The following PCDHGA6 variants were observed in gnomAD, a reference collection of about 807,000 sequenced individuals.
The protein encoded by PCDHGA6 is protocadherin gamma subfamily A, 6.
PCDHGA6 carries 41 observed loss-of-function variants against 60.6 expected under a neutral mutation model. The observed-to-expected ratio is 0.68, with a 90% CI of 0.53 to 0.88. PCDHGA6 has a LOEUF of 0.88. PCDHGA6 is among the 40% of genes least tolerant of loss of function. The pLI is 0.00. For missense variants in PCDHGA6, 1,312 were observed against 1,203.0 expected (o/e 1.09, Z -1.34); for synonymous variants, 594 against 524.4 (o/e 1.13, Z -1.81).
intron 1 of PCDHGA6, chr5:141,399,577 TC>T (rs1393975550): frequency 6.2e-7 from 1 of 1,613,972 alleles, no homozygotes; most frequent in Non-Finnish European, 8.5e-7. Flanking sequence ...CGGCCAAGTC[TC>T]CTACTCTATC....
At chr5:141,423,328 G>C (rs1308803675) in intron 1 of PCDHGA6, 1 of 1,614,194 alleles carries the variant, frequency 6.2e-7, no homozygotes, top group African/African-American at 1.3e-5. Flanking sequence ...GGTGGCCGCA[G>C]TCTCCTGCAT....
intron 1 of PCDHGA6, chr5:141,390,345 A>G: frequency 6.3e-7 from 1 of 1,576,504 alleles, no homozygotes; most frequent in Non-Finnish European, 8.7e-7. Context: ...TTCACAAGAA[A>G]ATATACATAT....
chr5:141,415,883 G>A (rs2095968409), intron 1 of PCDHGA6: 1 of 983,982 alleles, frequency 1.0e-6, no homozygotes, highest in African/African-American at 1.7e-5. Context: ...GTACAATATT[G>A]ACAATTCCTA....
At chr5:141,411,846 T>C (rs962000304) in intron 1 of PCDHGA6, 1 of 151,734 alleles carries the variant, frequency 6.6e-6, no homozygotes, top group African/African-American at 2.4e-5. Context: ...GGTGACAGAG[T>C]GAGACCCTGT....
chr5:141,468,681 A>G (rs1415798588), intron 1 of PCDHGA6: 1 of 151,830 alleles, frequency 6.6e-6, no homozygotes, highest in African/African-American at 2.4e-5. Flanking sequence ...CCTGGCTAAC[A>G]CGGTGAAACC....
In PCDHGA6 at chr5:141,431,187, G is replaced by C. The variant is rs748150837; in HGVS notation, c.2424+54680G>C. On this transcript the variant is annotated intron_variant, in intron 1 of 3. Transcript: ENST00000517434. This position sits in a 1 kb window ranked among gnomAD's most constrained non-coding sequence, Gnocchi z 4.8. ...GAAAGTGAATTAGAAATAAAAATTAGTGAAAATGCAGCCACTGAGATGCGG... is the reference window on the plus strand; with the variant it reads ...GAAAGTGAATTAGAAATAAAAATTACTGAAAATGCAGCCACTGAGATGCGG... 4.3e-6 allele frequency: 7 copies of C among 1,614,102 alleles called. No homozygotes were observed. The Admixed American group carries it at 1.2e-4, about 27-fold the overall frequency.
intron 1 of PCDHGA6, among the ~76,000 whole-genome samples, chr5:141,448,660 G>T (rs2098599264): frequency 6.6e-6 from 1 of 151,712 alleles, no homozygotes; most frequent in African/African-American, 2.4e-5. Context: ...TTCCATATTG[G>T]CCGGGCGCGG....
intron 1 of PCDHGA6, among the ~76,000 whole-genome samples, chr5:141,444,558 T>C (rs2098440789): frequency 6.6e-6 from 1 of 152,190 alleles, no homozygotes; most frequent in African/African-American, 2.4e-5. Context: ...AAGGCACTTA[T>C]TTGACACTTT....
chr5:141,391,176 T>C (rs562307508), intron 1 of PCDHGA6: 1 of 152,322 alleles, frequency 6.6e-6, no homozygotes, highest in African/African-American at 2.4e-5. Context: ...ACTGCCAATC[T>C]GGTGTGCATA....
At chr5:141,480,021 C>T (rs1415230863) in intron 1 of PCDHGA6, among the ~76,000 whole-genome samples, 2 of 152,208 alleles carry the variant, frequency 1.3e-5, no homozygotes, top group East Asian at 3.8e-4. Flanking sequence ...AATCTCCTTT[C>T]TAAGCCTCTT....
chr5:141,394,406 G>A (rs1359061127), intron 1 of PCDHGA6: 1 of 1,614,180 alleles, frequency 6.2e-7, no homozygotes, highest in South Asian at 1.1e-5. Flanking sequence ...TGCAGCTACT[G>A]GTAACAGCCA....
At chr5:141,388,908 G>A (rs1240421900) in intron 1 of PCDHGA6, 5 of 1,613,892 alleles carry the variant, frequency 3.1e-6, no homozygotes, top group Admixed American at 1.7e-5. Flanking sequence ...AAATGACAAC[G>A]CCCCAGAAGT....
At chr5:141,463,417 G>A (rs548514637) in intron 1 of PCDHGA6, among the ~76,000 whole-genome samples, 1 of 146,650 alleles carries the variant, frequency 6.8e-6, no homozygotes, top group South Asian at 2.2e-4. Context: ...ATCCTAGTTT[G>A]CGGATCCTCA....
intron 1 of PCDHGA6, chr5:141,428,048 G>A: frequency 6.2e-7 from 1 of 1,608,900 alleles, no homozygotes; most frequent in Admixed American, 1.7e-5. Context: ...TGGTGACCAA[G>A]GTGGTGGCGG....
chr5:141,389,264 C>T, intron 1 of PCDHGA6: 1 of 1,614,018 alleles, frequency 6.2e-7, no homozygotes, highest in South Asian at 1.1e-5. Flanking sequence ...TCCACGTGGC[C>T]GAGAACAACC....
In PCDHGA6 at chr5:141,383,002, G is replaced by A. The variant is rs376825891; in HGVS notation, c.2424+6495G>A. 8 of 1,613,766 alleles carry A rather than the reference G, an allele frequency of 5.0e-6. No individual in the cohort carries two copies. Among genetic ancestry groups the A allele is most frequent in the East Asian group, 2.2e-5 (1 of 44,884 alleles). On this transcript the variant is annotated intron_variant, in intron 1 of 3. Transcript: ENST00000517434. ...CTGGGCAGGACGTATTCTCTACTCC[G>A]TGTCGGAGGAGACGGACAAAGGGTC...
intron 1 of PCDHGA6, chr5:141,393,902 G>C: frequency 6.2e-7 from 1 of 1,613,968 alleles, no homozygotes; most frequent in Non-Finnish European, 8.5e-7. Flanking sequence ...CTCTTCCCGG[G>C]ACAGTAATTG....
chr5:141,435,940 G>A (rs2097787697), intron 1 of PCDHGA6, among the ~76,000 whole-genome samples: 1 of 152,066 alleles, frequency 6.6e-6, no homozygotes, highest in Admixed American at 6.5e-5. Flanking sequence ...CTGCTTCTGA[G>A]ACCAAAAAAG....
At chr5:141,451,179 T>C (rs1039062167) in intron 1 of PCDHGA6, among the ~76,000 whole-genome samples, 6 of 152,162 alleles carry the variant, frequency 3.9e-5, no homozygotes, top group Non-Finnish European at 8.8e-5. Flanking sequence ...TATTTAGCCA[T>C]TGCTGTGTAA....
Sources: allele counts gnomAD v4.1 joint callset (sites outside exome capture counted in the v4.1 genomes callset), GRCh38; gene constraint gnomAD v4.1.1; non-coding constraint Gnocchi (gnomAD v3.1); transcripts MANE v1.5; gene names NCBI Gene and HGNC (gene_info 2026-07-23, HGNC 2026-07-21).